CC2D2B: variants seen among roughly 807,000 people sequenced by gnomAD.
The protein encoded by CC2D2B is protein CC2D2B.
In CC2D2B, 128 loss-of-function variants were observed where a neutral mutation model predicts 161.2. The ratio of observed to expected loss-of-function variants is 0.79; its 90% CI spans 0.69 to 0.92. The LOEUF is 0.92. Ranked by LOEUF, CC2D2B falls within the 40% of genes least tolerant of loss-of-function variation. The pLI, the probability that CC2D2B is intolerant of heterozygous loss-of-function variation, is 0.00. For synonymous variants in CC2D2B, 391 were observed against 449.8 expected (o/e 0.87, Z 1.65); for missense variants, 1,173 against 1,375.1 (o/e 0.85, Z 2.32).
In CC2D2B at chr10:96,023,949, C is replaced by T. The variant is rs116882651; in HGVS notation, c.3889-904C>T. 5.9e-3 allele frequency among the ~76,000 whole-genome samples: 896 copies of T among 152,332 alleles called. 6 individuals are homozygous for T. Among genetic ancestry groups the T allele is most frequent in the South Asian group, 0.01 (50 of 4,832 alleles). ...AACCTAGAGGCCTATCAAATGTTGC[C>T]TCCTTTTTACACAACCCTCATTCCA... is the stretch of plus-strand genomic sequence containing the variant. On this transcript the variant is annotated intron_variant, in intron 32 of 34. Coordinates refer to ENST00000646931, the MANE Select transcript of CC2D2B (RefSeq NM_001349008.3).
chr10:95,952,295 T>C (rs1216807160), intron 10 of CC2D2B: 1 of 152,238 alleles, frequency 6.6e-6, no homozygotes, highest in African/African-American at 2.4e-5. Context: ...TGCTCAGCTA[T>C]GCAGATTTCT....
At chr10:95,916,665 A>G (rs1006314942) in intron 2 of CC2D2B, among the ~76,000 whole-genome samples, 1 of 152,152 alleles carries the variant, frequency 6.6e-6, no homozygotes, top group African/African-American at 2.4e-5. Flanking sequence ...ATTCAGAGGC[A>G]TATTGTGTAA....
chr10:95,991,078 A>G (rs1055561315), intron 20 of CC2D2B, among the ~76,000 whole-genome samples: 2 of 152,182 alleles, frequency 1.3e-5, no homozygotes, highest in African/African-American at 4.8e-5. Flanking sequence ...GGCCACATAC[A>G]CTGTGAGTTA....
chr10:96,019,093 C>T lies in CC2D2B; in HGVS notation c.3631-110C>T. On this transcript the variant is annotated intron_variant, in intron 30 of 34. Coordinates refer to ENST00000646931, the MANE Select transcript of CC2D2B (RefSeq NM_001349008.3). ...AAGAGCCGGGATTACAGGTATAAGC[C>T]ACCACACTCCACTAAAAAAGGCTTT... 6.9e-6 allele frequency: 6 copies of T among 865,560 alleles called. 1 individual carries two copies. The South Asian group carries it at 1.1e-4, about 16-fold the overall frequency. 53.6% of individuals were successfully genotyped at this position (865,560 alleles called of 1,614,324 possible).
chr10:95,943,461 T>G (rs1195458088), intron 9 of CC2D2B, among the ~76,000 whole-genome samples: 1 of 152,204 alleles, frequency 6.6e-6, no homozygotes, highest in Non-Finnish European at 1.5e-5. Context: ...TCTGCCTCTT[T>G]TAATATAGGA....
At chr10:95,965,335 C>T (rs1213138814) in intron 12 of CC2D2B, among the ~76,000 whole-genome samples, 1 of 151,972 alleles carries the variant, frequency 6.6e-6, no homozygotes, top group South Asian at 2.1e-4. Flanking sequence ...ACACTATTGC[C>T]TGGCACATAC....
Position 95,927,328 on chromosome 10 carries a change from A to G in CC2D2B, c.332A>G (p.Glu111Gly). 9 of 1,543,612 alleles carry G rather than the reference A, an allele frequency of 5.8e-6. No homozygotes were observed. The highest frequency in any genetic ancestry group is 7.9e-6 in the Non-Finnish European group (9 of 1,140,014). ...EEGSALGKSS[E>G]QRPVNRSYPK... ...GGTTCAGCTTTGGGCAAGTCTTCAG[A>G]GCAGGTTGGATTTGTTTGCCTCCCT... Residue 111 changes from glutamate to glycine, a missense_variant, in exon 6 of 35, where the codon GAG becomes GGG. Physicochemically the swap from Glu to Gly is moderately conservative, Grantham distance 98. Around this residue, in one of 3 missense-constraint regions of CC2D2B, gnomAD observed 298 missense variants for 261.2 expected, o/e 1.14. Coordinates refer to ENST00000646931, the MANE Select transcript of CC2D2B (RefSeq NM_001349008.3).
chr10:95,989,345 A>G (rs2077856648), intron 20 of CC2D2B, among the ~76,000 whole-genome samples: 1 of 152,162 alleles, frequency 6.6e-6, no homozygotes, highest in South Asian at 2.1e-4. Context: ...TCAAACCACA[A>G]GTGTTCTTCT....
At chr10:95,989,984 T>C (rs1275463850) in intron 20 of CC2D2B, among the ~76,000 whole-genome samples, 2 of 152,204 alleles carry the variant, frequency 1.3e-5, no homozygotes, top group Non-Finnish European at 1.5e-5. Flanking sequence ...CAGTGATGGC[T>C]GAGGCCAGGA....
rs146330748 is a variant in CC2D2B, at chr10:95,960,191, C to T, written c.1110-1638C>T. Among the ~76,000 whole-genome samples the T allele has an allele frequency of 6.6e-5, 10 of 152,300 alleles. No homozygotes were observed. In the East Asian group the frequency reaches 1.4e-3, roughly 21 times the overall value. ...TCCAAGTATCTTGCTATCCTTTCTA[C>T]TGCATCACACTTCTTATGGCATTTA... On this transcript the variant is annotated intron_variant, in intron 11 of 34. Coordinates refer to ENST00000646931, the MANE Select transcript of CC2D2B (RefSeq NM_001349008.3).
At chr10:96,026,778 A>G (rs1230194028) in intron 33 of CC2D2B, among the ~76,000 whole-genome samples, 1 of 152,096 alleles carries the variant, frequency 6.6e-6, no homozygotes, top group Non-Finnish European at 1.5e-5. Flanking sequence ...ACCTCTAGCT[A>G]TAGAGCTCTG....
At chr10:95,934,926 A>C (rs1006965736) in intron 6 of CC2D2B, among the ~76,000 whole-genome samples, 18 of 152,272 alleles carry the variant, frequency 1.2e-4, no homozygotes, top group Middle Eastern at 3.4e-3. Flanking sequence ...GCTGGAGTGC[A>C]GTGGCATGAC....
Position 95,996,224 on chromosome 10 carries a change from T to C in CC2D2B, c.2821T>C (p.Trp941Arg), listed in dbSNP as rs1168656224. 2.7e-6 allele frequency: 4 copies of C among 1,498,978 alleles called. No individual in the cohort carries two copies. The highest frequency in any genetic ancestry group is 5.0e-5 in the East Asian group (2 of 40,360). 92.9% of individuals were successfully genotyped at this position (1,498,978 alleles called of 1,614,324 possible). A position where few individuals can be genotyped will look rare whatever the true frequency, so the allele number is the denominator to read the frequency against. ...TACAGCAAGTGGATCTCATCCATGCTGGAATGAAGAAATTAAAGTAGATTT... is the reference window on the plus strand; with the variant it reads ...TACAGCAAGTGGATCTCATCCATGCCGGAATGAAGAAATTAAAGTAGATTT... ...TNTASGSHPCWNEEIKVDFVS... is the reference protein window; with the variant it reads ...TNTASGSHPCRNEEIKVDFVS... The change falls in exon 24 of 35, where the codon TGG becomes CGG. Residue 941 changes from tryptophan to arginine, a missense_variant. By Grantham distance (101) the Trp-to-Arg change is moderately radical (BLOSUM62 -3). Coordinates refer to ENST00000646931, the MANE Select transcript of CC2D2B (RefSeq NM_001349008.3).
intron 34 of CC2D2B, among the ~76,000 whole-genome samples, chr10:96,029,997 A>C (rs1462141259): frequency 6.6e-6 from 1 of 151,874 alleles, no homozygotes; most frequent in Non-Finnish European, 1.5e-5. Context: ...TATTTTTGTA[A>C]AGATGGGGTT....
intron 8 of CC2D2B, 44 bp downstream of exon 8, chr10:95,938,749 A>C (rs780789102): frequency 2.8e-6 from 2 of 703,380 alleles, no homozygotes; most frequent in Non-Finnish European, 5.3e-6. Flanking sequence ...CTACTATGTG[A>C]CTTATTTAGC....
At chr10:95,951,353 T>C (rs1208555145) in intron 10 of CC2D2B, among the ~76,000 whole-genome samples, 1 of 152,066 alleles carries the variant, frequency 6.6e-6, no homozygotes, top group East Asian at 1.9e-4. Flanking sequence ...GCTTTTGCCA[T>C]GTTGCCCAGG....
chr10:95,971,607 C>A (rs180828441), intron 15 of CC2D2B, among the ~76,000 whole-genome samples: 1 of 152,084 alleles, frequency 6.6e-6, no homozygotes, highest in African/African-American at 2.4e-5. Flanking sequence ...AATTTCATGA[C>A]CAATCACTAC....
At chr10:96,023,504 C>T (rs1309736951) in intron 32 of CC2D2B, among the ~76,000 whole-genome samples, 1 of 152,234 alleles carries the variant, frequency 6.6e-6, no homozygotes, top group African/African-American at 2.4e-5. Context: ...CTTCTCAAGT[C>T]AGCATAAACC....
At chr10:95,911,472 T>A (rs1404533206) in intron 2 of CC2D2B, 113 bp downstream of exon 2, 16 of 199,736 alleles carry the variant, frequency 8.0e-5, no homozygotes, top group Non-Finnish European at 1.4e-4. Flanking sequence ...AATCATAAAT[T>A]CATATGTAAA....
Sources: gnomAD v4.1 joint callset for allele counts (sites outside exome capture counted in the v4.1 genomes callset) on GRCh38, gnomAD v4.1.1 for gene constraint, gnomAD v4.1.1 regional missense constraint, MANE v1.5 for transcripts, NCBI Gene and HGNC (gene_info 2026-07-23, HGNC 2026-07-21) for gene names.